Variants in BAIAP2L2 observed in about 807,000 individuals in gnomAD.
The protein encoded by BAIAP2L2 is BAR/IMD domain containing adaptor protein 2 like 2.
In BAIAP2L2, 65 loss-of-function variants were observed where a neutral mutation model predicts 60.4. The observed-to-expected ratio is 1.08, with a 90% CI of 0.88 to 1.32. The LOEUF is 1.32. Among genes scored for constraint, BAIAP2L2 ranks in the 40% most tolerant of loss-of-function variants. BAIAP2L2 has a pLI of 0.00. For synonymous variants in BAIAP2L2, 344 were observed against 301.7 expected, an observed-to-expected ratio of 1.14 and a Z score of -1.45; for missense variants, 836 against 741.2, an observed-to-expected ratio of 1.13 and a Z score of -1.48.
At position 38,085,356 on chromosome 22, in the gene BAIAP2L2, TG is replaced by T. The variant is rs778808997; in HGVS notation, c.1533del (p.Thr512LeufsTer69). The T allele has an allele frequency of 6.2e-7, 1 of 1,613,896 alleles. No individual in the cohort carries two copies. The highest frequency in any genetic ancestry group is 8.5e-7 in the Non-Finnish European group (1 of 1,179,898). On this transcript the variant is annotated frameshift_variant, in exon 14 of 14. Transcript: ENST00000381669. LOFTEE classifies it high-confidence loss of function. ...ELFPRGTNPFATVKLRPTITN... is the reference protein window; with the variant it reads ...ELFPRGTNPFXTVKLRPTITN... ...GTGATGGTGGGACGAAGCTTGACAG[TG>T]GCAAAAGGATTTGTGCCCCTGTAGG...
chr22:38,107,970 A>G (rs2086700582), intron 3 of BAIAP2L2, 57 bp from the exon 4 acceptor site: 11 of 1,399,996 alleles, frequency 7.9e-6, no homozygotes, highest in Non-Finnish European at 9.7e-6. Flanking sequence ...CCGCCCACCC[A>G]CCACCCTCTT....
At chr22:38,098,358 G>C (rs2086492009) in intron 5 of BAIAP2L2, 53 bp downstream of exon 5, 6 of 1,564,474 alleles carry the variant, frequency 3.8e-6, no homozygotes, top group Non-Finnish European at 5.3e-6. Flanking sequence ...TCAAATGGGA[G>C]AGGGGGTCCT....
In BAIAP2L2 at chr22:38,088,885, C is replaced by T. The variant is rs1170958970; in HGVS notation, c.981G>A (p.Arg327=). The T allele has an allele frequency of 1.9e-6, 3 of 1,581,166 alleles. No individual in the cohort carries two copies. Among genetic ancestry groups the T allele is most frequent in the Admixed American group, 3.5e-5 (2 of 57,010 alleles). ...GERPGGGGGA[R]RVRALVSHSE... ...AGTGGGAGACCAGGGCGCGGACTCT[C>T]CTGGCGCCCCCGCCGCCGCCCGGGC... The change falls in exon 10 of 14, where the codon AGG becomes AGA. Residue 327 remains arginine, a synonymous_variant. Coordinates refer to ENST00000381669, the MANE Select transcript of BAIAP2L2 (RefSeq NM_025045.6).
At chr22:38,097,982 C>T (rs971131830) in intron 6 of BAIAP2L2, 81 bp downstream of exon 6, 1 of 1,343,252 alleles carries the variant, frequency 7.4e-7, no homozygotes, top group South Asian at 1.2e-5. Flanking sequence ...GGGAGGCGTT[C>T]GGGGTTCCCA....
intron 1 of BAIAP2L2, among the ~76,000 whole-genome samples, chr22:38,109,972 C>G (rs557796365): frequency 1.4e-5 from 2 of 144,840 alleles, no homozygotes; most frequent in African/African-American, 5.2e-5. Context: ...ATGTCTGTGG[C>G]GGCTGCAACA....
At chr22:38,104,375 C>A (rs4821737) in intron 4 of BAIAP2L2, among the ~76,000 whole-genome samples, 66,526 of 152,060 alleles carry the variant, frequency 0.44, 15,989 homozygotes, top group South Asian at 0.62. Context: ...GGAGAGCATC[C>A]TCAGCAACTT....
In BAIAP2L2 at chr22:38,107,913, C is replaced by G. The variant is rs766513505; in HGVS notation, c.215G>C (p.Gly72Ala). The G allele has an allele frequency of 1.2e-6, 2 of 1,613,328 alleles. No homozygotes were observed. The highest frequency in any genetic ancestry group is 4.5e-5 in the East Asian group (2 of 44,876). ...GTCAGACATCTGCACCAAGATCTCC[C>G]CTGGAGGCATGGATGCAGCTGTGGC... ...ALQSPTSQIL[G>A]EILVQMSDTQ... Residue 72 changes from glycine (G) to alanine (A), a missense_variant and splice_region_variant, in exon 4 of 14, where the codon GGG becomes GCG. Gly to Ala is a moderately conservative substitution (Grantham distance 60). Coordinates refer to ENST00000381669, the MANE Select transcript of BAIAP2L2 (RefSeq NM_025045.6).
At chr22:38,108,133 C>CA (rs2086705057) in intron 3 of BAIAP2L2, 122 bp downstream of exon 3, 2 of 1,068,024 alleles carry the variant, frequency 1.9e-6, no homozygotes, top group South Asian at 3.0e-5. Context: ...GGCCCCAGAA[C>CA]AAGAGTCTGG....
chr22:38,098,569 CT>C, intron 4 of BAIAP2L2, 87 bp from the exon 5 acceptor site: 1 of 1,073,566 alleles, frequency 9.3e-7, no homozygotes, highest in Admixed American at 2.1e-5. Context: ...CTATAACAGA[CT>C]GCCCATCGTG....
chr22:38,107,807 A>C, intron 4 of BAIAP2L2, 45 bp downstream of exon 4: 1 of 1,575,782 alleles, frequency 6.3e-7, no homozygotes, highest in South Asian at 1.1e-5. Context: ...AACATAGCCC[A>C]CTTTCCTCGA....
rs751926632 is a variant in BAIAP2L2 at position 38,085,273 on chromosome 22, C to A, written c.*27G>T. The A allele has an allele frequency of 5.0e-6, 8 of 1,609,228 alleles. No homozygotes were observed. The highest frequency in any genetic ancestry group is 6.8e-6 in the Non-Finnish European group (8 of 1,175,946). ...TCTGAACAGCCCCTGGGCAGGTGCA[C>A]TGTGGGGTACGACCTCGGACCCCGC... On this transcript the variant is annotated 3_prime_UTR_variant, in exon 14 of 14. Coordinates refer to ENST00000381669, the MANE Select transcript of BAIAP2L2 (RefSeq NM_025045.6).
rs1438119209 is a variant in BAIAP2L2, at chr22:38,109,059, T to C, written c.127+74A>G. On this transcript the variant is annotated intron_variant, in intron 2 of 13. Coordinates refer to ENST00000381669, the MANE Select transcript of BAIAP2L2 (RefSeq NM_025045.6). The stretch of plus-strand genomic sequence containing the variant: ...ATGAACAGGTGTGGGATGCAGAGAA[T>C]CTGGGAGGGGCCTGGGTGGGTGGGA... 64 of 1,067,802 alleles carry C rather than the reference T, an allele frequency of 6.0e-5. No homozygotes were observed. The African/African-American group carries it at 1.1e-3, about 18-fold the overall frequency. The allele number at this position is 1,067,802 out of a possible 1,614,324, so 66.1% of individuals were successfully genotyped here.
intron 10 of BAIAP2L2, 28 bp downstream of exon 10, chr22:38,088,711 TCAACCCACC>T: frequency 1.9e-6 from 3 of 1,543,462 alleles, no homozygotes; most frequent in Non-Finnish European, 2.6e-6. Flanking sequence ...GGCCTTCTTC[TCAACCCACC>T]CCCGGCCCCT....
chr22:38,093,971 T>C (rs1347798452), intron 7 of BAIAP2L2: 3 of 456,430 alleles, frequency 6.6e-6, no homozygotes, highest in Non-Finnish European at 1.3e-5. Flanking sequence ...TCTGAGTAAA[T>C]ACATCGAGTA....
At chr22:38,091,935 C>T (rs545724768) in intron 7 of BAIAP2L2, among the ~76,000 whole-genome samples, 15 of 152,278 alleles carry the variant, frequency 9.9e-5, no homozygotes, top group African/African-American at 3.4e-4. Flanking sequence ...TAAAGCCACA[C>T]CGAGATACCA....
intron 7 of BAIAP2L2, chr22:38,093,913 G>C (rs1483724529): frequency 2.2e-6 from 1 of 456,590 alleles, no homozygotes; most frequent in South Asian, 1.5e-5. Context: ...CGCAGCAGTG[G>C]TCATGACAGC....
intron 4 of BAIAP2L2, among the ~76,000 whole-genome samples, chr22:38,107,219 T>G (rs915651634): frequency 3.3e-5 from 5 of 152,066 alleles, no homozygotes; most frequent in African/African-American, 9.7e-5. Flanking sequence ...GTGACTGGAC[T>G]TGCCCCAGGG....
Position 38,084,917 on chromosome 22 carries a change from T to TATTTC in BAIAP2L2, c.*378_*382dup, listed in dbSNP as rs1264073729. 5.1e-6 allele frequency: 1 copy of TATTTC among 196,992 alleles called. No homozygotes were observed. Among genetic ancestry groups the TATTTC allele is most frequent in the East Asian group, 1.3e-4 (1 of 7,606 alleles). The allele number at this position is 196,992 out of a possible 1,614,324, so 12.2% of individuals were successfully genotyped here. ...CGCATCACTTTGCGTCCACTTCCTT[T>TATTTC]ATTTCTCATCATTTACAAAAGATGT... On this transcript the variant is annotated 3_prime_UTR_variant, in exon 14 of 14. Coordinates refer to ENST00000381669, the MANE Select transcript of BAIAP2L2 (RefSeq NM_025045.6).
intron 7 of BAIAP2L2, among the ~76,000 whole-genome samples, chr22:38,094,586 T>C (rs2086383717): frequency 6.6e-6 from 1 of 152,202 alleles, no homozygotes; most frequent in African/African-American, 2.4e-5. Context: ...CCAGAAAGTG[T>C]ACACTGTAAA....
Sources: allele counts gnomAD v4.1 joint callset (sites outside exome capture counted in the v4.1 genomes callset), GRCh38; gene constraint gnomAD v4.1.1; transcripts MANE v1.5; gene names NCBI Gene and HGNC (gene_info 2026-07-23, HGNC 2026-07-21).